AKAP19: variants seen among roughly 807,000 people sequenced by gnomAD.
AKAP19 encodes A-kinase anchoring protein 19, also known as small A-kinase anchoring protein.
At chr2:190,201,153 A>T in the AKAP19 span, 8 of 166,990 alleles carry the variant, frequency 4.8e-5, no homozygotes, top group African/African-American at 1.9e-4. Flanking sequence ...GTTATTTTTT[A>T]GTGGTAACAC....
At chr2:189,989,046 T>A in the AKAP19 span, among the ~76,000 whole-genome samples, 1 of 152,240 alleles carries the variant, frequency 6.6e-6, no homozygotes, top group African/African-American at 2.4e-5. Context: ...ACTGTCATAT[T>A]TGCCTAGACT....
At chr2:190,082,390 A>C in the AKAP19 span, among the ~76,000 whole-genome samples, 1 of 152,246 alleles carries the variant, frequency 6.6e-6, no homozygotes, top group Non-Finnish European at 1.5e-5. Flanking sequence ...GGCCACCTGC[A>C]GGCTACAACC....
the AKAP19 span, among the ~76,000 whole-genome samples, chr2:190,011,714 C>T: frequency 8.5e-5 from 13 of 152,144 alleles, no homozygotes; most frequent in African/African-American, 3.1e-4. Context: ...GTATTCTTGG[C>T]ACCTTTGTTG....
chr2:190,169,196 C>G, the AKAP19 span, among the ~76,000 whole-genome samples: 1 of 152,124 alleles, frequency 6.6e-6, no homozygotes, highest in Non-Finnish European at 1.5e-5. Flanking sequence ...GGGAAACTTT[C>G]AAGACTATCA....
At chr2:190,063,677 G>C in the AKAP19 span, among the ~76,000 whole-genome samples, 1 of 152,074 alleles carries the variant, frequency 6.6e-6, no homozygotes, top group Non-Finnish European at 1.5e-5. Context: ...TGATAAAGGG[G>C]TGACCTTTTG....
chr2:189,948,365 GT>G, the AKAP19 span, among the ~76,000 whole-genome samples: 2 of 151,396 alleles, frequency 1.3e-5, no homozygotes, highest in African/African-American at 4.9e-5. Context: ...ACATATGCCT[GT>G]TTTTTTTGCA....
At chr2:190,011,387 C>T in the AKAP19 span, among the ~76,000 whole-genome samples, 6 of 152,120 alleles carry the variant, frequency 3.9e-5, no homozygotes, top group Non-Finnish European at 7.4e-5. Context: ...TAGGTTGCCT[C>T]TTCACTCTGC....
the AKAP19 span, among the ~76,000 whole-genome samples, chr2:190,154,079 A>C: frequency 6.6e-6 from 1 of 151,996 alleles, no homozygotes. Flanking sequence ...TTCAACACGA[A>C]ATTTCAGTAT....
the AKAP19 span, among the ~76,000 whole-genome samples, chr2:189,900,629 T>A: frequency 6.6e-6 from 1 of 152,246 alleles, no homozygotes; most frequent in South Asian, 2.1e-4. Flanking sequence ...CTGTTTAGAG[T>A]GTCAGTATTT....
At chr2:190,185,718 T>A in the AKAP19 span, among the ~76,000 whole-genome samples, 1 of 152,202 alleles carries the variant, frequency 6.6e-6, no homozygotes, top group Non-Finnish European at 1.5e-5. Flanking sequence ...ACTTAAGACA[T>A]CTATCGCCTG....
chr2:190,025,796 TTCTGG>T, the AKAP19 span, among the ~76,000 whole-genome samples: 2 of 152,242 alleles, frequency 1.3e-5, no homozygotes, highest in Non-Finnish European at 2.9e-5. Flanking sequence ...CACTGGTGAA[TTCTGG>T]TCTGTGTTTA....
the AKAP19 span, among the ~76,000 whole-genome samples, chr2:190,175,017 T>C: frequency 9.8e-6 from 1 of 101,956 alleles, no homozygotes; most frequent in East Asian, 2.3e-4. Context: ...GAGTACATAG[T>C]TCCTATCCTC....
the AKAP19 span, among the ~76,000 whole-genome samples, chr2:190,041,332 G>T: frequency 6.6e-6 from 1 of 152,166 alleles, no homozygotes; most frequent in Non-Finnish European, 1.5e-5. Context: ...TGTTGTTGGT[G>T]TATAGGAATG....
the AKAP19 span, among the ~76,000 whole-genome samples, chr2:189,958,539 AT>A: frequency 9.5e-5 from 14 of 148,070 alleles, no homozygotes; most frequent in African/African-American, 3.5e-4. Flanking sequence ...ATATATATAT[AT>A]ATAACATTGA....
At chr2:190,062,652 C>G in the AKAP19 span, 2 of 1,570,272 alleles carry the variant, frequency 1.3e-6, no homozygotes, top group South Asian at 2.3e-5. Flanking sequence ...TTTTACTTTT[C>G]TTTTGCTTTT....
chr2:190,067,644 A>C, the AKAP19 span, among the ~76,000 whole-genome samples: 1 of 152,158 alleles, frequency 6.6e-6, no homozygotes, highest in Non-Finnish European at 1.5e-5. Context: ...GTCTTAAGGG[A>C]TTTCTTGTAG....
chr2:189,922,734 C>T, the AKAP19 span, among the ~76,000 whole-genome samples: 2 of 152,196 alleles, frequency 1.3e-5, no homozygotes, highest in East Asian at 3.8e-4. Flanking sequence ...CTCATATCTG[C>T]ACTTTTTATT....
the AKAP19 span, chr2:190,203,292 T>C: frequency 6.0e-6 from 1 of 167,216 alleles, no homozygotes. Context: ...AATAACTAAA[T>C]AGGACATGTC....
chr2:190,022,615 G>C, the AKAP19 span, among the ~76,000 whole-genome samples: 3 of 152,148 alleles, frequency 2.0e-5, no homozygotes, highest in Admixed American at 6.6e-5. Flanking sequence ...CTGCTGACTA[G>C]ATAGGTGAAC....
Sources: allele counts gnomAD v4.1 joint callset (sites outside exome capture counted in the v4.1 genomes callset), GRCh38; gene constraint gnomAD v4.1.1; transcripts MANE v1.5; gene names NCBI Gene and HGNC (gene_info 2026-07-23, HGNC 2026-07-21).